NMRAL1: variants seen among roughly 807,000 people sequenced by gnomAD.
NMRAL1 encodes the protein nmrA-like family domain-containing protein 1.
Under a neutral mutation model 27.5 loss-of-function variants are expected in NMRAL1, and 32 were observed. The observed-to-expected ratio is 1.16, with a 90% CI of 0.88 to 1.56. NMRAL1 has a LOEUF of 1.56. Ranked by LOEUF, NMRAL1 falls within the 40% of genes most tolerant of loss-of-function variation. NMRAL1 has a pLI of 0.00. For missense variants in NMRAL1, 420 were observed against 392.0 expected, an observed-to-expected ratio of 1.07 and a Z score of -0.60; for synonymous variants, 166 against 166.8, an observed-to-expected ratio of 1.00 and a Z score of 0.04.
chr16:4,466,350 T>G lies in NMRAL1; in HGVS notation c.332A>C (p.Tyr111Ser), dbSNP rs374971730. 1 of 1,613,676 alleles carries G rather than the reference T, an allele frequency of 6.2e-7. No individual in the cohort carries two copies. Among genetic ancestry groups the G allele is most frequent in the Non-Finnish European group, 8.5e-7 (1 of 1,179,996 alleles). ...ARRLGLHYVV[Y>S]SGLENIKKLT... is the part of the protein sequence containing the mutation. ...CTTCTTGATGTTCTCCAGGCCGCTG[T>G]AGACCACATAGTGGAGGCCCAGGCG... Residue 111 changes from tyrosine (Y) to serine (S), a missense_variant, in exon 4 of 6, where the codon TAC becomes TCC. Coordinates refer to ENST00000283429, the MANE Select transcript of NMRAL1 (RefSeq NM_020677.6).
At position 4,463,837 on chromosome 16, in the gene NMRAL1, ACCTGTGGGCAAG is replaced by A; in HGVS notation, c.531_542del (p.Leu178_Gly181del). ...CGGACATGCCATCCATGGGAACGTC[ACCTGTGGGCAAG>A]CCTGTGGGGCAGAGACGTGAGCTGG... On this transcript the variant is annotated inframe_deletion and splice_region_variant, in exon 5 of 6. Coordinates refer to ENST00000283429, the MANE Select transcript of NMRAL1 (RefSeq NM_020677.6). 2 of 1,613,170 alleles carry A rather than the reference ACCTGTGGGCAAG, an allele frequency of 1.2e-6. No individual in the cohort carries two copies. Among genetic ancestry groups the A allele is most frequent in the South Asian group, 1.1e-5 (1 of 91,018 alleles).
intron 2 of NMRAL1, among the ~76,000 whole-genome samples, chr16:4,470,979 A>G (rs563328900): frequency 4.2e-4 from 62 of 147,618 alleles, no homozygotes; most frequent in Non-Finnish European, 4.5e-4. Flanking sequence ...GGCATGGTGG[A>G]GCCTGTAATC....
At position 4,472,433 on chromosome 16, in the gene NMRAL1, ACT is replaced by A. The variant is rs906491751; in HGVS notation, c.40+1658_40+1659del. Among the ~76,000 whole-genome samples, 14 of 151,550 alleles carry A rather than the reference ACT, an allele frequency of 9.2e-5. No homozygotes were observed. The East Asian group carries it at 2.3e-3, about 25-fold the overall frequency. On this transcript the variant is annotated intron_variant, in intron 2 of 5. Transcript: ENST00000283429. Reference sequence around the variant, plus strand: ...CTCCAGCCTGGGCAACAAGAGAGAAACTCTGTCTTAAAAATAAAAAAGTAAAG... The same window carrying A: ...CTCCAGCCTGGGCAACAAGAGAGAAACTGTCTTAAAAATAAAAAAGTAAAG...
At chr16:4,462,059 C>G (rs1305941134) in intron 5 of NMRAL1, 100 bp from the exon 6 acceptor site, 3 of 926,182 alleles carry the variant, frequency 3.2e-6, no homozygotes, top group Non-Finnish European at 3.3e-6. Flanking sequence ...ACCTGCTACA[C>G]CCAGAGCCAC....
intron 3 of NMRAL1, chr16:4,466,643 C>CGG (rs145197863): frequency 1.3e-5 from 7 of 543,398 alleles, no homozygotes; most frequent in Admixed American, 9.4e-5. Context: ...CAACATAGGA[C>CGG]GGGGGGGCAG....
intron 1 of NMRAL1, 97 bp from the exon 2 acceptor site, chr16:4,474,263 C>A: frequency 1.2e-6 from 1 of 850,042 alleles, no homozygotes; most frequent in South Asian, 1.6e-5. Flanking sequence ...GAGTATGTGT[C>A]GAAGGGGGCG....
chr16:4,464,433 C>A (rs905253558), intron 4 of NMRAL1, among the ~76,000 whole-genome samples: 15 of 152,072 alleles, frequency 9.9e-5, no homozygotes, highest in African/African-American at 3.4e-4. Context: ...TCGCAAACTT[C>A]CAGGCTGAGG....
At chr16:4,461,983 G>T in intron 5 of NMRAL1, 24 bp from the exon 6 acceptor site, 1 of 1,594,754 alleles carries the variant, frequency 6.3e-7, no homozygotes, top group Non-Finnish European at 8.6e-7. Flanking sequence ...AGCCTGTCGT[G>T]GCCGGCGTCC....
intron 5 of NMRAL1, among the ~76,000 whole-genome samples, chr16:4,462,880 T>TG (rs1191476409): frequency 6.6e-6 from 1 of 151,568 alleles, no homozygotes; most frequent in Non-Finnish European, 1.5e-5. Context: ...TTTTTGGAGT[T>TG]GGAGTCTCGC....
At chr16:4,470,596 G>A (rs2057523905) in intron 2 of NMRAL1, among the ~76,000 whole-genome samples, 1 of 151,948 alleles carries the variant, frequency 6.6e-6, no homozygotes, top group South Asian at 2.1e-4. Flanking sequence ...GGTGGATCAC[G>A]AGGTCAGGAG....
intron 3 of NMRAL1, among the ~76,000 whole-genome samples, chr16:4,468,947 T>TAAAAAAAAA: frequency 6.7e-6 from 1 of 149,876 alleles, no homozygotes; most frequent in Admixed American, 6.6e-5. Context: ...AATTACTTTT[T>TAAAAAAAAA]AAAAAAAACT....
rs375112030 is a variant in NMRAL1, at chr16:4,463,743, C to T, written c.637G>A (p.Gly213Arg). 5.0e-5 allele frequency: 81 copies of T among 1,613,868 alleles called. No individual in the cohort carries two copies. Among genetic ancestry groups the T allele is most frequent in the South Asian group, 3.4e-4 (31 of 91,078 alleles). ...GCCGTGTGCCTGCAAGTGCTCAGCCCGATGTTCTGGCCGACGTATTTTTCT... is the reference window on the plus strand; with the variant it reads ...GCCGTGTGCCTGCAAGTGCTCAGCCTGATGTTCTGGCCGACGTATTTTTCT... ...MPEKYVGQNI[G>R]LSTCRHTAEE... The change falls in exon 5 of 6, where the codon GGG becomes AGG. Residue 213 changes from glycine to arginine, a missense_variant. Coordinates refer to ENST00000283429, the MANE Select transcript of NMRAL1 (RefSeq NM_020677.6).
intron 2 of NMRAL1, among the ~76,000 whole-genome samples, chr16:4,470,972 A>G (rs760889430): frequency 6.7e-6 from 1 of 148,804 alleles, no homozygotes; most frequent in Non-Finnish European, 1.5e-5. Context: ...TTAGCTGGGC[A>G]TGGTGGAGCC....
At position 4,474,273 on chromosome 16, in the gene NMRAL1, G is replaced by C. The variant is rs539361403; in HGVS notation, c.-34-107C>G. The C allele has an allele frequency of 3.3e-5, 25 of 767,524 alleles. No homozygotes were observed. The South Asian group carries it at 4.3e-4, about 13-fold the overall frequency. 47.5% of individuals were successfully genotyped at this position (767,524 alleles called of 1,614,324 possible). A position where few individuals can be genotyped will look rare whatever the true frequency, so the allele number is the denominator to read the frequency against. ...GCATCGAGTATGTGTCGAAGGGGGC[G>C]GCTGGGCCCGGAGCGGCAAGACGCC... On this transcript the variant is annotated intron_variant, in intron 1 of 5. Coordinates refer to ENST00000283429, the MANE Select transcript of NMRAL1 (RefSeq NM_020677.6).
intron 3 of NMRAL1, among the ~76,000 whole-genome samples, chr16:4,468,129 G>A (rs1387732745): frequency 4.0e-5 from 6 of 151,646 alleles, no homozygotes; most frequent in East Asian, 2.0e-4. Flanking sequence ...GAGAAACCCC[G>A]TCTGTACTAA....
intron 2 of NMRAL1, among the ~76,000 whole-genome samples, chr16:4,470,504 T>A (rs1269309526): frequency 6.6e-6 from 1 of 151,744 alleles, no homozygotes; most frequent in Admixed American, 6.6e-5. Flanking sequence ...TGTGATGTAA[T>A]AAAGTAAAAA....
At chr16:4,474,324 A>G (rs968594700) in intron 1 of NMRAL1, 158 bp from the exon 2 acceptor site, 13 of 571,116 alleles carry the variant, frequency 2.3e-5, no homozygotes, top group Middle Eastern at 2.8e-4. Context: ...GGGTCCCGCG[A>G]CCCACCTCGT....
At chr16:4,475,712 T>C (rs975303820), upstream of NMRAL1, among the ~76,000 whole-genome samples, 22 of 151,040 alleles carry the variant, frequency 1.5e-4, no homozygotes, top group Non-Finnish European at 2.5e-4. Context: ...CCGAGGCGGG[T>C]GGATCACCTG....
At chr16:4,472,389 C>G (rs1302737443) in intron 2 of NMRAL1, among the ~76,000 whole-genome samples, 2 of 150,202 alleles carry the variant, frequency 1.3e-5, no homozygotes, top group Admixed American at 1.3e-4. Flanking sequence ...TTGCAGCGAG[C>G]AGAGATCACA....
Sources: gnomAD v4.1 joint callset for allele counts (sites outside exome capture counted in the v4.1 genomes callset) on GRCh38, gnomAD v4.1.1 for gene constraint, MANE v1.5 for transcripts, NCBI Gene and HGNC (gene_info 2026-07-23, HGNC 2026-07-21) for gene names.